The following EARS2 variants were observed in gnomAD, a reference collection of about 807,000 sequenced individuals.
EARS2 encodes glutamyl-tRNA synthetase 2, mitochondrial.
A neutral mutation model predicts 54.1 loss-of-function variants in EARS2; 50 were observed. The ratio of observed to expected loss-of-function variants is 0.92; its 90% confidence interval spans 0.74 to 1.17. The LOEUF (loss-of-function observed/expected upper bound fraction) is 1.17. EARS2 is among the 50% of genes most tolerant of loss of function. The pLI is 0.00. For synonymous variants in EARS2, 298 were observed against 281.0 expected (o/e 1.06, Z -0.61); for missense variants, 673 against 675.0 (o/e 1.00, Z 0.03).
chr16:23,554,971 C>T (rs548740616), intron 1 of EARS2, among the ~76,000 whole-genome samples: 3 of 152,270 alleles, frequency 2.0e-5, no homozygotes, highest in African/African-American at 7.2e-5. Flanking sequence ...ATTCTTTTAT[C>T]TGTTTATAGT....
chr16:23,535,232 C>T lies in EARS2; in HGVS notation c.614G>A (p.Trp205Ter), dbSNP rs1965396767. The T allele has an allele frequency of 6.2e-7, 1 of 1,613,314 alleles. No homozygotes were observed. Among genetic ancestry groups the T allele is most frequent in the Admixed American group, 1.7e-5 (1 of 60,008 alleles). ...VPAFQDLVYG[W>*]NRHEVASVEG... ...CACGCTGGCCACTTCATGCCTATTC[C>T]AGCCATAGACCAGGTCCTGGAAGGC... Residue 205 changes from tryptophan (W) to a stop codon, truncating the protein, a stop_gained, in exon 4 of 9, where the codon TGG becomes TAG. Coordinates refer to ENST00000449606, the MANE Select transcript of EARS2 (RefSeq NM_001083614.2). LOFTEE classifies it high-confidence loss of function.
At position 23,539,209 on chromosome 16, in the gene EARS2, T is replaced by C. The variant is rs528595860; in HGVS notation, c.486-3849A>G. On this transcript the variant is annotated intron_variant, in intron 3 of 8. Coordinates refer to ENST00000449606, the MANE Select transcript of EARS2 (RefSeq NM_001083614.2). Reference sequence around the variant, plus strand: ...CCAGGCTGCAGTTGTGTCCTTTTTTTGCTCATAAGAGCTAGTACTGTTTAA... The same window carrying C: ...CCAGGCTGCAGTTGTGTCCTTTTTTCGCTCATAAGAGCTAGTACTGTTTAA... 2.6e-5 allele frequency among the ~76,000 whole-genome samples: 4 copies of C among 152,278 alleles called. No homozygotes were observed. In the South Asian group the frequency reaches 8.3e-4, roughly 32 times the overall value.
At chr16:23,534,473 T>C (rs982486737) in intron 4 of EARS2, among the ~76,000 whole-genome samples, 1 of 152,246 alleles carries the variant, frequency 6.6e-6, no homozygotes, top group Non-Finnish European at 1.5e-5. Flanking sequence ...ATATTAATTC[T>C]AGTCATACTG....
In EARS2 at chr16:23,529,873, G is replaced by A; in HGVS notation, c.1092C>T (p.Ser364=). Residue 364 remains serine, a synonymous_variant, in exon 6 of 9, where the codon AGC becomes AGT. Transcript: ENST00000449606. ...CCAGCTGGCGCCTCTGGCTCTCATT[G>A]CTCACCAGCCGCTGGAGGTGCAGTC... ...FNRLHLQRLV[S]NESQRRQLVG... is the part of the protein sequence containing the mutation. 6.2e-7 allele frequency: 1 copy of A among 1,614,106 alleles called. No individual in the cohort carries two copies. Among genetic ancestry groups the A allele is most frequent in the Non-Finnish European group, 8.5e-7 (1 of 1,180,040 alleles).
intron 2 of EARS2, among the ~76,000 whole-genome samples, chr16:23,547,655 C>A (rs1398120351): frequency 2.0e-5 from 3 of 152,104 alleles, no homozygotes; most frequent in Non-Finnish European, 4.4e-5. Flanking sequence ...CAAGCATGTG[C>A]CACCACGCCC....
In EARS2 at chr16:23,548,817, C is replaced by T. The variant is rs140431701; in HGVS notation, c.295+3332G>A. The stretch of plus-strand genomic sequence containing the variant: ...ACCCACTCTCTCGATTGGTTCCTTC[C>T]GGATGATGTTTTAACCAACTGAATG... On this transcript the variant is annotated intron_variant, in intron 2 of 8. Coordinates refer to ENST00000449606, the MANE Select transcript of EARS2 (RefSeq NM_001083614.2). Among the ~76,000 whole-genome samples, 27 of 152,208 alleles carry T rather than the reference C, an allele frequency of 1.8e-4. No individual in the cohort carries two copies. In the East Asian group the frequency reaches 4.6e-3, roughly 26 times the overall value.
chr16:23,533,867 A>T (rs1000149431), intron 4 of EARS2, among the ~76,000 whole-genome samples: 2 of 152,038 alleles, frequency 1.3e-5, no homozygotes, highest in African/African-American at 4.8e-5. Context: ...AACAGCCTGG[A>T]CAACATGGTG....
At chr16:23,553,674 A>C (rs1338825192) in intron 1 of EARS2, among the ~76,000 whole-genome samples, 4 of 151,914 alleles carry the variant, frequency 2.6e-5, no homozygotes, top group Non-Finnish European at 5.9e-5. Flanking sequence ...GGTGGATCAC[A>C]AAGTCAGGAG....
At chr16:23,548,568 T>C (rs1428646133) in intron 2 of EARS2, among the ~76,000 whole-genome samples, 1 of 152,098 alleles carries the variant, frequency 6.6e-6, no homozygotes, top group Non-Finnish European at 1.5e-5. Flanking sequence ...TGAGGCACCA[T>C]GTAATCTGGC....
intron 1 of EARS2, among the ~76,000 whole-genome samples, chr16:23,552,647 G>A (rs984859015): frequency 6.6e-5 from 10 of 152,178 alleles, no homozygotes; most frequent in Admixed American, 1.3e-4. Flanking sequence ...GTGCCACCAC[G>A]TCCAGCTACA....
chr16:23,524,234 G>T lies in EARS2; in HGVS notation c.*137C>A. ...TGGTGGATCACAAATGCACTTGTGT[G>T]CAGTCAGAGATTGTTTCCACTCTTA... On this transcript the variant is annotated 3_prime_UTR_variant, in exon 9 of 9. Transcript: ENST00000449606. 1.3e-6 allele frequency: 1 copy of T among 756,826 alleles called. No individual in the cohort carries two copies. The highest frequency in any genetic ancestry group is 2.3e-6 in the Non-Finnish European group (1 of 433,680). 46.9% of individuals were successfully genotyped at this position (756,826 alleles called of 1,614,324 possible).
At chr16:23,546,675 C>T (rs1215203241) in intron 2 of EARS2, among the ~76,000 whole-genome samples, 1 of 152,248 alleles carries the variant, frequency 6.6e-6, no homozygotes, top group African/African-American at 2.4e-5. Context: ...CCCACCTCAG[C>T]CTCCCAAGTA....
At chr16:23,526,983 G>T (rs1965239773) in intron 7 of EARS2, among the ~76,000 whole-genome samples, 1 of 151,600 alleles carries the variant, frequency 6.6e-6, no homozygotes, top group Non-Finnish European at 1.5e-5. Flanking sequence ...TTTTTTTTAA[G>T]ACAGGATCTT....
intron 1 of EARS2, 133 bp from the exon 2 acceptor site, chr16:23,552,437 G>C (rs1965712388): frequency 9.8e-7 from 1 of 1,025,198 alleles, no homozygotes; most frequent in African/African-American, 1.6e-5. Context: ...GCTCACGCCT[G>C]TAATCCTACC....
In EARS2 at chr16:23,524,240, A is replaced by C; in HGVS notation, c.*131T>G. 9.0e-6 allele frequency: 7 copies of C among 776,688 alleles called. No homozygotes were observed. Among genetic ancestry groups the C allele is most frequent in the East Asian group, 2.4e-5 (1 of 40,914 alleles). The allele number at this position is 776,688 out of a possible 1,614,324, so 48.1% of individuals were successfully genotyped here. A position where few individuals can be genotyped will look rare whatever the true frequency, so the allele number is the denominator to read the frequency against. On this transcript the variant is annotated 3_prime_UTR_variant, in exon 9 of 9. Transcript: ENST00000449606. Reference sequence around the variant, plus strand: ...ATCACAAATGCACTTGTGTGCAGTCAGAGATTGTTTCCACTCTTAGTTCCT... The same window carrying C: ...ATCACAAATGCACTTGTGTGCAGTCCGAGATTGTTTCCACTCTTAGTTCCT...
chr16:23,534,985 C>G lies in EARS2; in HGVS notation c.861G>C (p.Lys287Asn), dbSNP rs200580645. The change falls in exon 4 of 9, where the codon AAG becomes AAC. Residue 287 changes from lysine (K) to asparagine (N), a missense_variant. By Grantham distance (94) the Lys-to-Asn change is moderately conservative. Transcript: ENST00000449606. ...LLNRDGSKLS[K>N]RQGDVFLEHF... Reference sequence around the variant, plus strand: ...GCTCCAGGAAAACGTCCCCTTGCCTCTTGGAGAGCTTGCTGCCATCCCTGT... The same window carrying G: ...GCTCCAGGAAAACGTCCCCTTGCCTGTTGGAGAGCTTGCTGCCATCCCTGT... The G allele has an allele frequency of 3.7e-6, 6 of 1,612,832 alleles. No individual in the cohort carries two copies. The East Asian group carries it at 1.3e-4, about 36-fold the overall frequency.
At chr16:23,542,319 T>TTTC (rs1182199414) in intron 3 of EARS2, among the ~76,000 whole-genome samples, 7 of 120,696 alleles carry the variant, frequency 5.8e-5, no homozygotes, top group Non-Finnish European at 9.8e-5. Flanking sequence ...CATTTTTCTT[T>TTTC]TTTTTTTTTT....
chr16:23,542,070 C>G (rs1046380697), intron 3 of EARS2, among the ~76,000 whole-genome samples: 3 of 152,076 alleles, frequency 2.0e-5, no homozygotes, highest in Non-Finnish European at 4.4e-5. Context: ...ATTGGCCAGG[C>G]TGGTCTTGAA....
intron 3 of EARS2, chr16:23,537,066 G>C: frequency 4.0e-6 from 1 of 249,726 alleles, no homozygotes. Flanking sequence ...CATTATGTCT[G>C]AATCAAAGGA....
Sources: allele counts gnomAD v4.1 joint callset (sites outside exome capture counted in the v4.1 genomes callset), GRCh38; gene constraint gnomAD v4.1.1; transcripts MANE v1.5; gene names NCBI Gene and HGNC (gene_info 2026-07-23, HGNC 2026-07-21).